Variants in SEMA3D observed in about 807,000 individuals in gnomAD.
SEMA3D encodes the protein semaphorin 3D, also known as semaphorin-3D.
A neutral mutation model predicts 100.1 loss-of-function variants in SEMA3D; 84 were observed. The observed-to-expected ratio is 0.84, with a 90% CI of 0.70 to 1.01. The LOEUF is 1.01. Among genes scored for constraint, SEMA3D ranks in the 50% least tolerant of loss-of-function variants. The pLI is 0.00. For missense variants in SEMA3D, 875 were observed against 934.1 expected (o/e 0.94, Z 0.82); for synonymous variants, 312 against 320.7 (o/e 0.97, Z 0.29).
chr7:85,225,076 A>G, the SEMA3D span, among the ~76,000 whole-genome samples: 6 of 14,406 alleles, frequency 4.2e-4, no homozygotes, highest in South Asian at 3.8e-3. Context: ...ATATATATAT[A>G]TATATATATA....
chr7:85,050,553 C>T (rs1791135438), intron 9 of SEMA3D: 6 of 363,536 alleles, frequency 1.7e-5, no homozygotes, highest in Non-Finnish European at 2.5e-5. Context: ...GGCACTTATT[C>T]GCCTCAGGCT....
the SEMA3D span, among the ~76,000 whole-genome samples, chr7:85,195,689 C>T: frequency 8.5e-5 from 13 of 152,226 alleles, no homozygotes; most frequent in South Asian, 2.1e-4. Flanking sequence ...CTTCATATAG[C>T]CCTGAGTAGG....
At chr7:85,041,896 A>T (rs937024187) in intron 10 of SEMA3D, 4 of 387,718 alleles carry the variant, frequency 1.0e-5, no homozygotes, top group Non-Finnish European at 1.4e-5. Context: ...TGAACTGTGT[A>T]GTTCCAGAGC....
chr7:85,198,943 T>C, the SEMA3D span, among the ~76,000 whole-genome samples: 1 of 151,804 alleles, frequency 6.6e-6, no homozygotes, highest in Non-Finnish European at 1.5e-5. Context: ...TAGCCATACA[T>C]TTTCTTACGA....
chr7:85,227,395 A>G, the SEMA3D span, among the ~76,000 whole-genome samples: 1 of 152,172 alleles, frequency 6.6e-6, no homozygotes, highest in Admixed American at 6.5e-5. Flanking sequence ...TAGTGCCAGT[A>G]TAAAGGACAC....
At chr7:85,182,513 G>A (rs926867923) in intron 1 of SEMA3D, among the ~76,000 whole-genome samples, 3 of 151,996 alleles carry the variant, frequency 2.0e-5, no homozygotes, top group Admixed American at 6.5e-5. Context: ...AAAAAATTAG[G>A]GAAGACAAAT....
intron 4 of SEMA3D, among the ~76,000 whole-genome samples, chr7:85,086,114 T>C (rs1046472906): frequency 6.6e-6 from 1 of 152,182 alleles, no homozygotes; most frequent in Non-Finnish European, 1.5e-5. Flanking sequence ...AAATTATACA[T>C]TGGCTTATTT....
At position 85,061,509 on chromosome 7, in the gene SEMA3D, G is replaced by T. The variant is rs930332052; in HGVS notation, c.718+3915C>A. Among the ~76,000 whole-genome samples, 6 of 152,122 alleles carry T rather than the reference G, an allele frequency of 3.9e-5. No homozygotes were observed. In the East Asian group the frequency reaches 9.6e-4, roughly 24 times the overall value. On this transcript the variant is annotated intron_variant, in intron 8 of 18. Transcript: ENST00000284136. Reference sequence around the variant, plus strand: ...GAAAAATGATAACTCTTTAGAATCTGCATCTTAACAGTTAAATACTCACTT... The same window carrying T: ...GAAAAATGATAACTCTTTAGAATCTTCATCTTAACAGTTAAATACTCACTT...
At chr7:85,216,749 T>C in the SEMA3D span, among the ~76,000 whole-genome samples, 25 of 152,118 alleles carry the variant, frequency 1.6e-4, 1 homozygote, top group Admixed American at 9.8e-4. Flanking sequence ...GTTATTTTTA[T>C]GGGTTTTACA....
chr7:85,155,903 C>T (rs1448502900), intron 1 of SEMA3D, among the ~76,000 whole-genome samples: 1 of 152,102 alleles, frequency 6.6e-6, no homozygotes, highest in East Asian at 1.9e-4. Flanking sequence ...TTATGTCACA[C>T]TTACACAATT....
At chr7:85,000,689 C>T (rs562666189) in intron 18 of SEMA3D, among the ~76,000 whole-genome samples, 3 of 152,284 alleles carry the variant, frequency 2.0e-5, no homozygotes, top group South Asian at 4.1e-4. Context: ...ACACAAAGAA[C>T]TTCTACTGAA....
chr7:85,130,798 T>G (rs547479342), intron 2 of SEMA3D, among the ~76,000 whole-genome samples: 2 of 152,258 alleles, frequency 1.3e-5, no homozygotes, highest in Non-Finnish European at 2.9e-5. Context: ...TAGCTACACC[T>G]CCACATATCC....
chr7:85,028,373 T>G (rs1771699815), intron 12 of SEMA3D: 1 of 474,504 alleles, frequency 2.1e-6, no homozygotes, highest in Admixed American at 3.6e-5. Flanking sequence ...TGCTATTGCT[T>G]ACAGTTTAGA....
chr7:85,238,619 C>G, the SEMA3D span, among the ~76,000 whole-genome samples: 449 of 152,288 alleles, frequency 2.9e-3, 7 homozygotes, highest in East Asian at 0.043. Flanking sequence ...TTCTGGAAGT[C>G]AAGTAGTGTC....
At chr7:85,140,040 C>G (rs997084832) in intron 2 of SEMA3D, 3 of 503,112 alleles carry the variant, frequency 6.0e-6, no homozygotes, top group Admixed American at 6.4e-5. Flanking sequence ...TGCATGCTGT[C>G]ATTAATTATT....
chr7:85,047,751 C>T (rs1262618421), intron 9 of SEMA3D, among the ~76,000 whole-genome samples: 1 of 151,766 alleles, frequency 6.6e-6, no homozygotes, highest in Non-Finnish European at 1.5e-5. Context: ...AGTTTCAAAT[C>T]AATAGAAACT....
chr7:85,159,887 A>T, intron 1 of SEMA3D: 1 of 985,018 alleles, frequency 1.0e-6, no homozygotes, highest in Non-Finnish European at 1.2e-6. Flanking sequence ...GAAGGAAGCA[A>T]GAAAGATAGG....
intron 2 of SEMA3D, chr7:85,142,668 G>T (rs1434155002): frequency 1.1e-5 from 10 of 915,478 alleles, no homozygotes; most frequent in Non-Finnish European, 1.3e-5. Context: ...AGCAAAGAAG[G>T]ATGGCATTTT....
At chr7:85,216,739 G>GTTATTTTTA in the SEMA3D span, among the ~76,000 whole-genome samples, 1 of 151,686 alleles carries the variant, frequency 6.6e-6, no homozygotes, top group Non-Finnish European at 1.5e-5. Context: ...AATAAAATAT[G>GTTATTTTTA]TTATTTTTAT....
Sources: allele counts gnomAD v4.1 joint callset (sites outside exome capture counted in the v4.1 genomes callset), GRCh38; gene constraint gnomAD v4.1.1; transcripts MANE v1.5; gene names NCBI Gene and HGNC (gene_info 2026-07-23, HGNC 2026-07-21).